Variants in CASK observed in about 807,000 individuals in gnomAD.
CASK encodes the protein calcium/calmodulin dependent serine protein kinase.
A neutral mutation model predicts 82.9 loss-of-function variants in CASK; 4 were observed. The ratio of observed to expected loss-of-function variants is 0.05; its 90% CI spans 0.02 to 0.11. The LOEUF (loss-of-function observed/expected upper bound fraction) is 0.11, where lower values mean the gene tolerates loss of function less well. Ranked by LOEUF, CASK falls within the 10% of genes least tolerant of loss-of-function variation. The pLI is 1.00. For synonymous variants in CASK, 259 were observed against 253.5 expected, an observed-to-expected ratio of 1.02 and a Z score of -0.20; for missense variants, 358 against 720.9, an observed-to-expected ratio of 0.50 and a Z score of 5.76.
intron 3 of CASK, among the ~76,000 whole-genome samples, chrX:41,771,415 G>C (rs1488636908): frequency 1.8e-5 from 2 of 111,871 alleles, no homozygotes; most frequent in Admixed American, 9.5e-5. Flanking sequence ...ACAAACAAAG[G>C]ATAAGTGTGT....
At chrX:41,862,671 G>C (rs2071515498) in intron 1 of CASK, among the ~76,000 whole-genome samples, 1 of 110,912 alleles carries the variant, frequency 9.0e-6, no homozygotes, top group Admixed American at 9.6e-5. Flanking sequence ...CTATGACAGA[G>C]AGTGAGAGAC....
chrX:41,854,214 GCGGGCGCGCGCACA>G (rs1328090247), intron 1 of CASK, among the ~76,000 whole-genome samples: 7 of 88,067 alleles, frequency 7.9e-5, no homozygotes, highest in African/African-American at 3.0e-4. Context: ...GCGCGCGCGC[GCGGGCGCGCGCACA>G]CACACACACA....
In CASK at chrX:41,793,148, ACTCTGAGACTTTAAAGTGCCC is replaced by A. The variant is rs755056497; in HGVS notation, c.173-5886_173-5866del. Among the ~76,000 whole-genome samples, 14 of 112,039 alleles carry A rather than the reference ACTCTGAGACTTTAAAGTGCCC, an allele frequency of 1.2e-4. No individual in the cohort carries two copies. The East Asian group carries it at 3.6e-3, about 29-fold the overall frequency. On this transcript the variant is annotated intron_variant, in intron 2 of 26. Coordinates refer to ENST00000378163, the MANE Select transcript of CASK (RefSeq NM_001367721.1). ...CTTCACTATTGTTAATCTAATGCAA[ACTCTGAGACTTTAAAGTGCCC>A]CTCTATAAGTCCTCATTTGTTACTG...
At chrX:41,551,148 C>A (rs192207408) in intron 21 of CASK, among the ~76,000 whole-genome samples, 1 of 111,732 alleles carries the variant, frequency 8.9e-6, no homozygotes, top group East Asian at 2.8e-4. Context: ...CAGAGACTTT[C>A]TGTTTATACC....
intron 12 of CASK, among the ~76,000 whole-genome samples, chrX:41,593,917 A>G (rs1300529028): frequency 8.9e-6 from 1 of 112,488 alleles, no homozygotes; most frequent in Non-Finnish European, 1.9e-5. Context: ...AAAGATATGC[A>G]GGACTCAAAT....
chrX:41,823,132 T>C (rs776917139), intron 2 of CASK, among the ~76,000 whole-genome samples: 2 of 109,777 alleles, frequency 1.8e-5, no homozygotes, highest in East Asian at 5.8e-4. Flanking sequence ...TCTACCACCA[T>C]GCCTACTCTC....
At chrX:41,798,327 G>C (rs1235975901) in intron 2 of CASK, among the ~76,000 whole-genome samples, 1 of 112,132 alleles carries the variant, frequency 8.9e-6, no homozygotes, top group Non-Finnish European at 1.9e-5. Context: ...AATATTATTG[G>C]TCTCAATAAT....
rs745985456 is a variant in CASK, at chrX:41,631,017, T to C, written c.916-4314A>G. Among the ~76,000 whole-genome samples, 7 of 111,855 alleles carry C rather than the reference T, an allele frequency of 6.3e-5. No individual in the cohort carries two copies. In the East Asian group the frequency reaches 2.0e-3, roughly 31 times the overall value. ...GTTTAGTCAGCATAGCCTATACATA[T>C]ATAATACTCAAACATAACCTAAACA... On this transcript the variant is annotated intron_variant, in intron 9 of 26. Coordinates refer to ENST00000378163, the MANE Select transcript of CASK (RefSeq NM_001367721.1).
In CASK at chrX:41,775,589, T is replaced by A. The variant is rs1402487383; in HGVS notation, c.278+11589A>T. On this transcript the variant is annotated intron_variant, in intron 3 of 26. Coordinates refer to ENST00000378163, the MANE Select transcript of CASK (RefSeq NM_001367721.1). ...TGCTATAAAGACACATGCACACGTA[T>A]GTTTACTGCGGCACTATTCCCAATA... 5.7e-5 allele frequency among the ~76,000 whole-genome samples: 6 copies of A among 105,999 alleles called. No individual in the cohort carries two copies. In the East Asian group the frequency reaches 1.4e-3, roughly 25 times the overall value. The allele number at this position is 105,999 out of a possible 115,157, so 92.0% of individuals were successfully genotyped here. A position where few individuals can be genotyped will look rare whatever the true frequency, so the allele number is the denominator to read the frequency against.
At chrX:41,831,087 T>C (rs1012353577) in intron 2 of CASK, among the ~76,000 whole-genome samples, 15 of 109,862 alleles carry the variant, frequency 1.4e-4, no homozygotes, top group Non-Finnish European at 2.1e-4. Context: ...ACCTATATTG[T>C]GCCAGGCATG....
At chrX:41,877,455 C>T (rs1288371171) in intron 1 of CASK, among the ~76,000 whole-genome samples, 2 of 111,428 alleles carry the variant, frequency 1.8e-5, no homozygotes, top group Non-Finnish European at 3.8e-5. Context: ...TAGAAGTTAC[C>T]AGATTTCAGT....
chrX:41,922,616 C>T (rs2072804563), intron 1 of CASK, among the ~76,000 whole-genome samples: 1 of 112,069 alleles, frequency 8.9e-6, no homozygotes, highest in Non-Finnish European at 1.9e-5. Context: ...AACAATAACC[C>T]CAACTGAAGC....
In CASK at chrX:41,775,724, T is replaced by C. The variant is rs1163622484; in HGVS notation, c.278+11454A>G. Among the ~76,000 whole-genome samples, 5 of 104,554 alleles carry C rather than the reference T, an allele frequency of 4.8e-5. 1 individual carries two copies. The Admixed American group carries it at 5.1e-4, about 11-fold the overall frequency. The allele number at this position is 104,554 out of a possible 115,157, so 90.8% of individuals were successfully genotyped here. A position where few individuals can be genotyped will look rare whatever the true frequency, so the allele number is the denominator to read the frequency against. ...GCAGCCATAAAAAATGATGAGTTCATGTCCTTTGTAGGGATATGGATGAAA... is the reference window on the plus strand; with the variant it reads ...GCAGCCATAAAAAATGATGAGTTCACGTCCTTTGTAGGGATATGGATGAAA... On this transcript the variant is annotated intron_variant, in intron 3 of 26. Transcript: ENST00000378163.
intron 3 of CASK, among the ~76,000 whole-genome samples, chrX:41,775,542 C>T (rs1052888544): frequency 1.1e-4 from 12 of 105,591 alleles, no homozygotes; most frequent in Non-Finnish European, 2.2e-4. Context: ...TGGGTATATA[C>T]CCAAAGGACT....
rs2064541607 is a variant in CASK at position 41,515,893 on chromosome X, T to C, written c.*4527A>G. On this transcript the variant is annotated 3_prime_UTR_variant, in exon 27 of 27. Coordinates refer to ENST00000378163, the MANE Select transcript of CASK (RefSeq NM_001367721.1). ...ATAAGTAGCAGCTAAATTCTGAGTT[T>C]CTGAGCATACGCAGAGATGGAGTTG... 8.9e-6 allele frequency: 1 copy of C among 112,456 alleles called. No individual in the cohort carries two copies. Among genetic ancestry groups the C allele is most frequent in the Non-Finnish European group, 1.9e-5 (1 of 53,259 alleles). The allele number at this position is 112,456 out of a possible 1,213,427, so 9.3% of individuals were successfully genotyped here.
At chrX:41,582,193 C>T (rs1043205990) in intron 14 of CASK, among the ~76,000 whole-genome samples, 12 of 112,119 alleles carry the variant, frequency 1.1e-4, no homozygotes, top group African/African-American at 3.9e-4. Flanking sequence ...GTTCTCTACA[C>T]ATCAGCTCCA....
chrX:41,810,654 T>G lies in CASK; in HGVS notation c.173-23371A>C, dbSNP rs191137817. Reference sequence around the variant, plus strand: ...CATGCCAAATTGTAAAGACCATCGATGCTAGGAAGAAATTGCAGCAACTAA... The same window carrying G: ...CATGCCAAATTGTAAAGACCATCGAGGCTAGGAAGAAATTGCAGCAACTAA... On this transcript the variant is annotated intron_variant, in intron 2 of 26. Coordinates refer to ENST00000378163, the MANE Select transcript of CASK (RefSeq NM_001367721.1). 1.3e-4 allele frequency among the ~76,000 whole-genome samples: 15 copies of G among 111,718 alleles called. No individual in the cohort carries two copies. In the East Asian group the frequency reaches 3.6e-3, roughly 27 times the overall value.
At chrX:41,552,019 C>A (rs753993218) in intron 21 of CASK, among the ~76,000 whole-genome samples, 14 of 107,311 alleles carry the variant, frequency 1.3e-4, no homozygotes, top group African/African-American at 4.7e-4. Context: ...TTCCACTTCT[C>A]GGGCTCAAGC....
At chrX:41,535,011 G>T in intron 22 of CASK, 38 bp from the exon 23 acceptor site, 1 of 857,605 alleles carries the variant, frequency 1.2e-6, no homozygotes, top group Non-Finnish European at 1.7e-6. Context: ...TAAATTTGTA[G>T]AATGACTATT....
Sources: gnomAD v4.1 joint callset for allele counts (sites outside exome capture counted in the v4.1 genomes callset) on GRCh38, gnomAD v4.1.1 for gene constraint, MANE v1.5 for transcripts, NCBI Gene and HGNC (gene_info 2026-07-23, HGNC 2026-07-21) for gene names.